The following ARHGAP32 variants were observed in gnomAD, a reference collection of about 807,000 sequenced individuals.
ARHGAP32 encodes Rho GTPase activating protein 32.
A neutral mutation model predicts 186.5 loss-of-function variants in ARHGAP32; 51 were observed. The ratio of observed to expected loss-of-function variants is 0.27; its 90% CI spans 0.22 to 0.35. The LOEUF (loss-of-function observed/expected upper bound fraction) is 0.35. Among genes scored for constraint, ARHGAP32 ranks in the 10% least tolerant of loss-of-function variants. ARHGAP32 has a pLI of 1.00. For synonymous variants in ARHGAP32, 950 were observed against 964.3 expected (o/e 0.99, Z 0.27); for missense variants, 2,186 against 2,623.5 (o/e 0.83, Z 3.64).
At chr11:129,193,321 GGGGGGGCGGGA>G (rs1253877596), upstream of ARHGAP32, among the ~76,000 whole-genome samples, 17 of 17,362 alleles carry the variant, frequency 9.8e-4, 3 homozygotes, top group African/African-American at 2.8e-3. Context: ...GGGGGGGGGG[GGGGGGGCGGGA>G]AACAGCCAAG....
chr11:129,230,876 T>G (rs1385768405), intron 1 of ARHGAP32, among the ~76,000 whole-genome samples: 1 of 152,192 alleles, frequency 6.6e-6, no homozygotes, highest in Non-Finnish European at 1.5e-5. Flanking sequence ...GGCTCACACC[T>G]GTCATCTCAT....
intron 1 of ARHGAP32, among the ~76,000 whole-genome samples, chr11:129,184,532 A>C (rs1456440601): frequency 1.3e-5 from 2 of 152,120 alleles, no homozygotes; most frequent in Non-Finnish European, 2.9e-5. Flanking sequence ...TAGCTAAGAG[A>C]ACAAGTACAA....
chr11:129,222,263 GT>G (rs1944722226), intron 1 of ARHGAP32, among the ~76,000 whole-genome samples: 2 of 152,110 alleles, frequency 1.3e-5, no homozygotes, highest in Non-Finnish European at 2.9e-5. Context: ...ACTTGGTCCA[GT>G]TTTACCAGCA....
At chr11:129,213,597 G>A (rs1009633291) in intron 1 of ARHGAP32, among the ~76,000 whole-genome samples, 2 of 152,018 alleles carry the variant, frequency 1.3e-5, no homozygotes, top group Non-Finnish European at 2.9e-5. Context: ...AATATTATAT[G>A]ATAATATTAA....
At chr11:129,242,917 C>T (rs1293241689) in intron 1 of ARHGAP32, among the ~76,000 whole-genome samples, 1 of 152,036 alleles carries the variant, frequency 6.6e-6, no homozygotes, top group Non-Finnish European at 1.5e-5. Flanking sequence ...CCTCTACTAA[C>T]TGCACACACA....
At chr11:129,058,184 A>AAC (rs1555081931) in intron 10 of ARHGAP32, among the ~76,000 whole-genome samples, 2 of 85,676 alleles carry the variant, frequency 2.3e-5, no homozygotes, top group Non-Finnish European at 5.1e-5. Context: ...CAGAAAAAAA[A>AAC]ATATACACAC....
intron 1 of ARHGAP32, among the ~76,000 whole-genome samples, chr11:129,234,565 T>A (rs1184385078): frequency 6.6e-6 from 1 of 152,178 alleles, no homozygotes; most frequent in Non-Finnish European, 1.5e-5. Flanking sequence ...ATATAATCTA[T>A]ATATCTGCAA....
intron 1 of ARHGAP32, among the ~76,000 whole-genome samples, chr11:129,237,667 G>T (rs1456893946): frequency 1.3e-5 from 2 of 152,166 alleles, no homozygotes; most frequent in Non-Finnish European, 2.9e-5. Flanking sequence ...CTTGTGTCCA[G>T]TGTGGTGCAA....
chr11:129,045,230 C>A (rs1418109137), intron 10 of ARHGAP32, among the ~76,000 whole-genome samples: 1 of 152,228 alleles, frequency 6.6e-6, no homozygotes, highest in Non-Finnish European at 1.5e-5. Context: ...TATCCTGTCT[C>A]CTCCTCTGTG....
At chr11:129,257,198 T>C (rs954285589) in intron 1 of ARHGAP32, among the ~76,000 whole-genome samples, 2 of 152,200 alleles carry the variant, frequency 1.3e-5, no homozygotes, top group African/African-American at 4.8e-5. Context: ...AGGAAAAATC[T>C]GCTATACCAT....
At chr11:129,171,202 T>A (rs1325306456) in intron 1 of ARHGAP32, among the ~76,000 whole-genome samples, 1 of 152,262 alleles carries the variant, frequency 6.6e-6, no homozygotes, top group African/African-American at 2.4e-5. Context: ...ATTTTGGCTC[T>A]TATTGCAATT....
At chr11:129,046,079 C>A (rs1426670210) in intron 10 of ARHGAP32, among the ~76,000 whole-genome samples, 1 of 152,038 alleles carries the variant, frequency 6.6e-6, no homozygotes, top group African/African-American at 2.4e-5. Context: ...GGGGGAAAGG[C>A]CTTCATTTCC....
intron 5 of ARHGAP32, among the ~76,000 whole-genome samples, chr11:129,102,656 A>G (rs1025343987): frequency 6.6e-6 from 1 of 152,208 alleles, no homozygotes; most frequent in African/African-American, 2.4e-5. Flanking sequence ...CTAAACTACA[A>G]TGAGATACCA....
chr11:129,015,235 A>G (rs1165168145), intron 11 of ARHGAP32, among the ~76,000 whole-genome samples: 2 of 152,188 alleles, frequency 1.3e-5, no homozygotes. Context: ...AAGTCTCTAG[A>G]GACCAGTTTT....
intron 11 of ARHGAP32, among the ~76,000 whole-genome samples, chr11:129,001,060 T>C (rs1946346096): frequency 6.6e-6 from 1 of 152,200 alleles, no homozygotes; most frequent in Admixed American, 6.5e-5. Context: ...TTACAAATCT[T>C]GGCTATTGTG....
At chr11:129,085,126 C>T (rs1036682873) in intron 6 of ARHGAP32, among the ~76,000 whole-genome samples, 7 of 151,958 alleles carry the variant, frequency 4.6e-5, no homozygotes, top group East Asian at 1.9e-4. Flanking sequence ...TAGGCTTAAG[C>T]GATCCTCTTG....
rs889341414 is a variant in ARHGAP32 at position 128,998,488 on chromosome 11, A to G, written c.1046-20T>C. The G allele has an allele frequency of 3.9e-6, 6 of 1,520,348 alleles. No individual in the cohort carries two copies. In the Admixed American group the frequency reaches 5.9e-5, roughly 15 times the overall value. The allele number at this position is 1,520,348 out of a possible 1,614,324, so 94.2% of individuals were successfully genotyped here. On this transcript the variant is annotated intron_variant, in intron 11 of 22. Transcript: ENST00000682385. ...TAGACACTAAAAATCAATAAAGAGA[A>G]AAGATCTTAGTTGTGGCAAGAGGTT...
At chr11:129,212,520 G>A (rs556844542) in intron 1 of ARHGAP32, among the ~76,000 whole-genome samples, 9 of 152,204 alleles carry the variant, frequency 5.9e-5, no homozygotes, top group South Asian at 2.1e-4. Context: ...TATTTAAGCC[G>A]TACCAATATC....
At chr11:129,180,487 T>C (rs1244910179) in intron 1 of ARHGAP32, among the ~76,000 whole-genome samples, 1 of 152,138 alleles carries the variant, frequency 6.6e-6, no homozygotes, top group Non-Finnish European at 1.5e-5. Context: ...TTATTATATG[T>C]GTTATACCTC....
Sources: allele counts gnomAD v4.1 joint callset (sites outside exome capture counted in the v4.1 genomes callset), GRCh38; gene constraint gnomAD v4.1.1; transcripts MANE v1.5; gene names NCBI Gene and HGNC (gene_info 2026-07-23, HGNC 2026-07-21).